DTNA: variants seen among roughly 807,000 people sequenced by gnomAD.
DTNA encodes the protein dystrobrevin alpha.
A neutral mutation model predicts 100.7 loss-of-function variants in DTNA; 43 were observed. The observed-to-expected ratio is 0.43, with a 90% CI of 0.33 to 0.55. The LOEUF (loss-of-function observed/expected upper bound fraction) is 0.55. Among genes scored for constraint, DTNA ranks in the 20% least tolerant of loss-of-function variants. The probability of loss-of-function intolerance (pLI) is 0.04; values close to 1 mark genes in which losing one functional copy is unlikely to be tolerated. For missense variants in DTNA, 798 were observed against 953.9 expected, an observed-to-expected ratio of 0.84 and a Z score of 2.15; for synonymous variants, 349 against 347.9, an observed-to-expected ratio of 1.00 and a Z score of -0.04.
At chr18:34,690,698 C>G in intron 1 of DTNA, among the ~76,000 whole-genome samples, 1 of 152,098 alleles carries the variant, frequency 6.6e-6, no homozygotes, top group South Asian at 2.1e-4. Context: ...GTGAGAAAAC[C>G]CAAATGTGTT....
At chr18:34,579,508 C>T (rs577416479) in intron 1 of DTNA, among the ~76,000 whole-genome samples, 47 of 152,296 alleles carry the variant, frequency 3.1e-4, no homozygotes, top group African/African-American at 1.1e-3. Context: ...CAACCTTTCT[C>T]ATCTTATTTC....
intron 1 of DTNA, among the ~76,000 whole-genome samples, chr18:34,603,365 A>G (rs893349439): frequency 1.3e-5 from 2 of 152,208 alleles, no homozygotes; most frequent in Non-Finnish European, 1.5e-5. Flanking sequence ...AAGGACTTTT[A>G]TAAGTATCCT....
intron 1 of DTNA, among the ~76,000 whole-genome samples, chr18:34,493,712 G>C (rs564549088): frequency 1.3e-5 from 2 of 149,038 alleles, no homozygotes; most frequent in South Asian, 2.1e-4. Flanking sequence ...GACCGCAGCC[G>C]CCCACGGCGC....
At chr18:34,784,123 C>A (rs1276441403) in intron 3 of DTNA, among the ~76,000 whole-genome samples, 2 of 152,120 alleles carry the variant, frequency 1.3e-5, no homozygotes, top group African/African-American at 4.8e-5. Flanking sequence ...AGTTTGAGAC[C>A]CACTTATGGC....
chr18:34,861,485 C>CAAAA (rs11329850), intron 16 of DTNA, among the ~76,000 whole-genome samples: 176 of 77,980 alleles, frequency 2.3e-3, no homozygotes, highest in East Asian at 2.9e-3. Flanking sequence ...GACTCCGTCT[C>CAAAA]AAAAAAAAAA....
intron 3 of DTNA, among the ~76,000 whole-genome samples, chr18:34,774,116 TC>T (rs1285232534): frequency 6.6e-6 from 1 of 152,240 alleles, no homozygotes; most frequent in African/African-American, 2.4e-5. Flanking sequence ...GGAAAAACCA[TC>T]ATCTTAAAAT....
At chr18:34,798,708 C>G (rs73412664) in intron 4 of DTNA, among the ~76,000 whole-genome samples, 4,066 of 152,162 alleles carry the variant, frequency 0.027, 191 homozygotes, top group African/African-American at 0.092. Context: ...AGTGATTTTC[C>G]TATTTTCAGA....
intron 1 of DTNA, among the ~76,000 whole-genome samples, chr18:34,699,530 A>G (rs922373923): frequency 3.9e-5 from 6 of 152,186 alleles, no homozygotes; most frequent in African/African-American, 1.4e-4. Context: ...TTGACCAAAT[A>G]TCTGTGCACC....
At chr18:34,769,153 T>C (rs1213156287) in intron 3 of DTNA, among the ~76,000 whole-genome samples, 1 of 152,238 alleles carries the variant, frequency 6.6e-6, no homozygotes, top group East Asian at 1.9e-4. Context: ...AAAAATTGTT[T>C]CTACCTTCAT....
In DTNA at chr18:34,546,867, G is replaced by A. The variant is rs527654190; in HGVS notation, c.-2+53353G>A. ...TGAGATTACATGTGTGTGCCACCACGCCTGGCTAATTTTTGTACTTTTTAT... is the reference window on the plus strand; with the variant it reads ...TGAGATTACATGTGTGTGCCACCACACCTGGCTAATTTTTGTACTTTTTAT... On this transcript the variant is annotated intron_variant, in intron 1 of 19. Coordinates refer to the DTNA transcript ENST00000283365. 1.8e-4 allele frequency among the ~76,000 whole-genome samples: 28 copies of A among 151,606 alleles called. No homozygotes were observed. In the East Asian group the frequency reaches 4.9e-3, roughly 26 times the overall value.
intron 1 of DTNA, among the ~76,000 whole-genome samples, chr18:34,595,926 C>T (rs1192813646): frequency 6.6e-6 from 1 of 152,172 alleles, no homozygotes; most frequent in East Asian, 1.9e-4. Flanking sequence ...ATGGTAGGTT[C>T]ACTCCTCCCC....
At chr18:34,761,294 A>G (rs368018677) in intron 2 of DTNA, among the ~76,000 whole-genome samples, 110 of 152,324 alleles carry the variant, frequency 7.2e-4, no homozygotes, top group African/African-American at 2.5e-3. Context: ...CAAAATGGCT[A>G]TATATTAATA....
At chr18:34,837,578 T>C (rs2096178405) in intron 11 of DTNA, among the ~76,000 whole-genome samples, 1 of 152,230 alleles carries the variant, frequency 6.6e-6, no homozygotes, top group South Asian at 2.1e-4. Context: ...TCTGTTCCTC[T>C]GAAAATTTTC....
Position 34,821,031 on chromosome 18 carries a change from A to T in DTNA, c.1001+116A>T, listed in dbSNP as rs564862037. 1.7e-4 allele frequency: 186 copies of T among 1,077,068 alleles called. No individual in the cohort carries two copies. In the African/African-American group the frequency reaches 2.1e-3, roughly 12 times the overall value. The allele number at this position is 1,077,068 out of a possible 1,614,324, so 66.7% of individuals were successfully genotyped here. A position where few individuals can be genotyped will look rare whatever the true frequency, so the allele number is the denominator to read the frequency against. On this transcript the variant is annotated intron_variant, in intron 9 of 22. Coordinates refer to ENST00000444659, the MANE Select transcript of DTNA (RefSeq NM_001386795.1). Reference sequence around the variant, plus strand: ...GCAACCAAGATTTTTAATTTAGTTTAAAAAAAAAAGTCAGAGTAATGCCAT... The same window carrying T: ...GCAACCAAGATTTTTAATTTAGTTTTAAAAAAAAAGTCAGAGTAATGCCAT...
chr18:34,695,281 A>C (rs1386906832), intron 1 of DTNA, among the ~76,000 whole-genome samples: 1 of 152,160 alleles, frequency 6.6e-6, no homozygotes, highest in Non-Finnish European at 1.5e-5. Flanking sequence ...TAAAGTTGTA[A>C]CTGCAAGCAT....
chr18:34,831,604 C>G (rs2096011555), intron 11 of DTNA, among the ~76,000 whole-genome samples: 1 of 152,098 alleles, frequency 6.6e-6, no homozygotes, highest in South Asian at 2.1e-4. Context: ...TCCATCTCTA[C>G]TAAAAATACA....
intron 1 of DTNA, among the ~76,000 whole-genome samples, chr18:34,557,315 G>A (rs1258368955): frequency 2.1e-5 from 3 of 141,548 alleles, no homozygotes; most frequent in African/African-American, 5.6e-5. Context: ...TGGTTTGAAT[G>A]TCCTCCTGTA....
intron 1 of DTNA, among the ~76,000 whole-genome samples, chr18:34,519,263 A>G (rs1333577878): frequency 6.6e-6 from 1 of 152,122 alleles, no homozygotes; most frequent in Non-Finnish European, 1.5e-5. Context: ...CAATTTTTGA[A>G]AATCACCAGA....
chr18:34,493,554 G>C (rs544578344), intron 1 of DTNA: 11 of 152,152 alleles, frequency 7.2e-5, no homozygotes, highest in African/African-American at 2.4e-4. Context: ...GCTCCGGAGT[G>C]GGGGAGGGCG....
Sources: gnomAD v4.1 joint callset for allele counts (sites outside exome capture counted in the v4.1 genomes callset) on GRCh38, gnomAD v4.1.1 for gene constraint, MANE v1.5 for transcripts, NCBI Gene and HGNC (gene_info 2026-07-23, HGNC 2026-07-21) for gene names.